CASTOR2: variants seen among roughly 807,000 people sequenced by gnomAD.
CASTOR2 encodes GATS protein like 2.
A neutral mutation model predicts 31.2 loss-of-function variants in CASTOR2; 8 were observed. The ratio of observed to expected loss-of-function variants is 0.26; its 90% CI spans 0.15 to 0.46. The LOEUF (loss-of-function observed/expected upper bound fraction) is 0.46. Among genes scored for constraint, CASTOR2 ranks in the 20% least tolerant of loss-of-function variants. The probability of loss-of-function intolerance (pLI) is 0.99; values close to 1 mark genes in which losing one functional copy is unlikely to be tolerated. For missense variants in CASTOR2, 216 were observed against 382.1 expected (o/e 0.57, Z 3.62); for synonymous variants, 162 against 158.7 (o/e 1.02, Z -0.16).
Position 74,994,750 on chromosome 7 carries a change from C to CA in CASTOR2, c.114-13231dup, listed in dbSNP as rs587613971. 3.7e-3 allele frequency among the ~76,000 whole-genome samples: 494 copies of CA among 132,886 alleles called. 3 individuals are homozygous for CA. Among genetic ancestry groups the CA allele is most frequent in the Middle Eastern group, 0.015 (4 of 260 alleles). 87.2% of individuals were successfully genotyped at this position (132,886 alleles called of 152,430 possible). On this transcript the variant is annotated intron_variant, in intron 1 of 8. Transcript: ENST00000616305. ...AGGCAACAAAGCAAGACTCCATCTC[C>CA]AAAAAAAAAAAAAGAATCAACCAAG...
In CASTOR2 at chr7:75,018,140, G is replaced by T. The variant is rs1804909695; in HGVS notation, c.511+18G>T. On this transcript the variant is annotated intron_variant, in intron 4 of 8. Coordinates refer to ENST00000616305, the MANE Select transcript of CASTOR2 (RefSeq NM_001145064.3). ...CAAGCTGGGTGAGCTGGGGGCGGGG[G>T]TTTGTGCAGGGGAAACCTCACGAAG... 2.5e-6 allele frequency: 4 copies of T among 1,612,758 alleles called. No individual in the cohort carries two copies. In the East Asian group the frequency reaches 8.9e-5, roughly 36 times the overall value.
intron 1 of CASTOR2, among the ~76,000 whole-genome samples, chr7:74,979,136 C>T (rs1360339990): frequency 2.0e-5 from 3 of 152,070 alleles, no homozygotes; most frequent in African/African-American, 7.2e-5. Context: ...CACCGTACTC[C>T]AGCCAGGCAG....
Position 74,998,968 on chromosome 7 carries a change from C to T in CASTOR2, c.114-9026C>T, listed in dbSNP as rs1188790452. ...GTCTGATTGGATTCTCCTGGTCGCC[C>T]GTGACACAAGCACATTTTATTTTCT... On this transcript the variant is annotated intron_variant, in intron 1 of 8. Coordinates refer to ENST00000616305, the MANE Select transcript of CASTOR2 (RefSeq NM_001145064.3). 7.2e-5 allele frequency among the ~76,000 whole-genome samples: 11 copies of T among 151,982 alleles called. No individual in the cohort carries two copies. The East Asian group carries it at 7.8e-4, about 11-fold the overall frequency.
chr7:74,985,501 A>G (rs1804040638), intron 1 of CASTOR2, among the ~76,000 whole-genome samples: 1 of 145,338 alleles, frequency 6.9e-6, no homozygotes, highest in South Asian at 2.2e-4. Context: ...GGATCACTTG[A>G]GCCTGGGAGG....
At position 74,991,074 on chromosome 7, in the gene CASTOR2, G is replaced by GA. The variant is rs587606119; in HGVS notation, c.114-16906dup. ...GGGTGACAGAGCAAGACCCTGTCTG[G>GA]AAAAAAAAAAAAAAGGAAAAGAAAA... On this transcript the variant is annotated intron_variant, in intron 1 of 8. Coordinates refer to ENST00000616305, the MANE Select transcript of CASTOR2 (RefSeq NM_001145064.3). 4.9e-3 allele frequency among the ~76,000 whole-genome samples: 672 copies of GA among 136,492 alleles called. 2 individuals are homozygous for GA. Among genetic ancestry groups the GA allele is most frequent in the African/African-American group, 0.012 (434 of 36,662 alleles). The allele number at this position is 136,492 out of a possible 152,430, so 89.5% of individuals were successfully genotyped here. A position where few individuals can be genotyped will look rare whatever the true frequency, so the allele number is the denominator to read the frequency against.
At chr7:74,981,809 A>G (rs1803951390) in intron 1 of CASTOR2, among the ~76,000 whole-genome samples, 1 of 145,496 alleles carries the variant, frequency 6.9e-6, no homozygotes, top group African/African-American at 2.6e-5. Flanking sequence ...GCTCACGCCT[A>G]TAATCCCAGC....
intron 1 of CASTOR2, among the ~76,000 whole-genome samples, chr7:74,988,734 A>C (rs1403821718): frequency 1.3e-5 from 2 of 152,114 alleles, no homozygotes; most frequent in African/African-American, 4.8e-5. Context: ...CACAGCGACC[A>C]TGACAGTGAT....
chr7:74,989,176 G>A (rs1196980935), intron 1 of CASTOR2, among the ~76,000 whole-genome samples: 1 of 151,628 alleles, frequency 6.6e-6, no homozygotes, highest in Non-Finnish European at 1.5e-5. Flanking sequence ...GTGTTAGCCA[G>A]GATGGTCTCA....
chr7:74,999,022 G>T (rs1336270720), intron 1 of CASTOR2, among the ~76,000 whole-genome samples: 2 of 151,528 alleles, frequency 1.3e-5, no homozygotes, highest in African/African-American at 4.9e-5. Context: ...TTGAGATGGA[G>T]TCTCGCTCTG....
intron 2 of CASTOR2, among the ~76,000 whole-genome samples, chr7:75,016,165 T>C (rs1270834854): frequency 6.6e-6 from 1 of 152,186 alleles, no homozygotes; most frequent in Non-Finnish European, 1.5e-5. Context: ...GGTGGGTTTA[T>C]GCAGGTGCCT....
At chr7:74,982,103 C>T (rs1584460700) in intron 1 of CASTOR2, among the ~76,000 whole-genome samples, 2 of 144,552 alleles carry the variant, frequency 1.4e-5, no homozygotes, top group African/African-American at 5.2e-5. Context: ...AAGCGTACCC[C>T]ACCACACTTC....
At chr7:74,989,769 C>A (rs1224531147) in intron 1 of CASTOR2, among the ~76,000 whole-genome samples, 1 of 151,938 alleles carries the variant, frequency 6.6e-6, no homozygotes, top group African/African-American at 2.4e-5. Flanking sequence ...GAAAATAGGA[C>A]ATAATGTGTG....
At chr7:75,011,359 G>T (rs1312536934) in intron 2 of CASTOR2, among the ~76,000 whole-genome samples, 1 of 151,044 alleles carries the variant, frequency 6.6e-6, no homozygotes, top group Non-Finnish European at 1.5e-5. Flanking sequence ...AACCCACGAG[G>T]CAGAGGCTGC....
At position 75,024,505 on chromosome 7, in the gene CASTOR2, A is replaced by G; in HGVS notation, c.895A>G (p.Ile299Val). The change falls in exon 8 of 9, where the codon ATC (isoleucine) becomes GTC (valine). Residue 299 changes from isoleucine to valine, a missense_variant. Ile to Val is a conservative substitution (Grantham distance 29, BLOSUM62 3). Coordinates refer to ENST00000616305, the MANE Select transcript of CASTOR2 (RefSeq NM_001145064.3). ...LAAADIPAYY[I>V]STFKFDHALV... is the part of the protein sequence containing the mutation. ...TGCTGCAGACATCCCAGCCTACTAC[A>G]TCAGTACTTTCAAGTTTGATCATGC... 1 of 1,551,518 alleles carries G rather than the reference A, an allele frequency of 6.4e-7. No individual in the cohort carries two copies. Among genetic ancestry groups the G allele is most frequent in the Non-Finnish European group, 8.7e-7 (1 of 1,146,850 alleles).
chr7:75,023,165 G>A (rs915373509), intron 7 of CASTOR2, among the ~76,000 whole-genome samples: 46 of 151,966 alleles, frequency 3.0e-4, no homozygotes, highest in Non-Finnish European at 5.3e-4. Flanking sequence ...AAAATTAGCC[G>A]GTCGTGGTGG....
intron 2 of CASTOR2, 150 bp from the exon 3 acceptor site, chr7:75,017,448 A>T: frequency 3.1e-6 from 1 of 324,084 alleles, no homozygotes; most frequent in Non-Finnish European, 5.1e-6. Flanking sequence ...AGACTGTCTC[A>T]AAAAAAAAAA....
At chr7:74,975,500 A>G (rs1803783383) in intron 1 of CASTOR2, among the ~76,000 whole-genome samples, 1 of 140,326 alleles carries the variant, frequency 7.1e-6, no homozygotes, top group African/African-American at 2.6e-5. Flanking sequence ...GGCGGATCAC[A>G]AGGTCAGGAG....
At chr7:75,023,125 A>G (rs1263106325) in intron 7 of CASTOR2, among the ~76,000 whole-genome samples, 13 of 151,984 alleles carry the variant, frequency 8.6e-5, no homozygotes, top group African/African-American at 3.1e-4. Context: ...TGGCTAACAC[A>G]GCAAAACCCT....
At position 74,984,699 on chromosome 7, in the gene CASTOR2, G is replaced by T. The variant is rs1370704215; in HGVS notation, c.113+19601G>T. Among the ~76,000 whole-genome samples, 230 of 152,304 alleles carry T rather than the reference G, an allele frequency of 1.5e-3. 1 individual carries two copies. Among genetic ancestry groups the T allele is most frequent in the African/African-American group, 3.8e-3 (158 of 41,576 alleles). The stretch of plus-strand genomic sequence containing the variant: ...GGCCAGGCCCACCGCCATGCCCTTT[G>T]GATGCATTATCAACTCAGGTGGGTA... On this transcript the variant is annotated intron_variant, in intron 1 of 8. Transcript: ENST00000616305.
Sources: gnomAD v4.1 joint callset for allele counts (sites outside exome capture counted in the v4.1 genomes callset) on GRCh38, gnomAD v4.1.1 for gene constraint, MANE v1.5 for transcripts, NCBI Gene and HGNC (gene_info 2026-07-23, HGNC 2026-07-21) for gene names.